Variants in LHFPL3 observed in about 807,000 individuals in gnomAD.
LHFPL3 encodes LHFPL tetraspan subfamily member 3.
A neutral mutation model predicts 19.3 loss-of-function variants in LHFPL3; 5 were observed. That is an observed-to-expected ratio of 0.26 (90% confidence interval 0.14 to 0.54). The LOEUF (loss-of-function observed/expected upper bound fraction) is 0.54, where lower values mean the gene tolerates loss of function less well. Among genes scored for constraint, LHFPL3 ranks in the 20% least tolerant of loss-of-function variants. The pLI is 0.94. For synonymous variants in LHFPL3, 133 were observed against 126.2 expected, an observed-to-expected ratio of 1.05 and a Z score of -0.36; for missense variants, 249 against 307.4, an observed-to-expected ratio of 0.81 and a Z score of 1.42.
chr7:104,678,443 G>A (rs1473479215), intron 1 of LHFPL3, among the ~76,000 whole-genome samples: 6 of 152,176 alleles, frequency 3.9e-5, no homozygotes, highest in African/African-American at 1.4e-4. Context: ...TTAAAAGGAA[G>A]AGGGAAAAAA....
chr7:104,427,582 A>G (rs541150206), intron 1 of LHFPL3, among the ~76,000 whole-genome samples: 68 of 152,202 alleles, frequency 4.5e-4, no homozygotes, highest in Non-Finnish European at 8.8e-4. Flanking sequence ...TGCAAACCAC[A>G]TATCTCAAAA....
intron 1 of LHFPL3, among the ~76,000 whole-genome samples, chr7:104,414,366 TTG>T (rs1306588665): frequency 6.6e-6 from 1 of 152,178 alleles, no homozygotes; most frequent in Non-Finnish European, 1.5e-5. Flanking sequence ...AGCAATTTCT[TTG>T]TGGATTTTGG....
At chr7:104,802,691 A>G (rs1449185560) in intron 2 of LHFPL3, 1 of 152,110 alleles carries the variant, frequency 6.6e-6, no homozygotes, top group East Asian at 1.9e-4. Context: ...AGGCTAAGAT[A>G]TTCTGGTATA....
rs1462950242 is a variant in LHFPL3 at position 104,563,209 on chromosome 7, C to T, written c.446-173466C>T. On this transcript the variant is annotated intron_variant, in intron 1 of 2. Coordinates refer to ENST00000424859, the MANE Select transcript of LHFPL3 (RefSeq NM_199000.3). ...CCTCCTTGAGCTGTGGTGGGCTCCA[C>T]CCAGTTCGAGCTTCCCGGCTGCTTT... 2.6e-5 allele frequency among the ~76,000 whole-genome samples: 4 copies of T among 152,292 alleles called. No individual in the cohort carries two copies. In the East Asian group the frequency reaches 7.7e-4, roughly 29 times the overall value.
intron 1 of LHFPL3, among the ~76,000 whole-genome samples, chr7:104,417,486 A>G (rs986554171): frequency 3.3e-5 from 5 of 152,304 alleles, no homozygotes; most frequent in Middle Eastern, 3.4e-3. Flanking sequence ...GAAGGAATAA[A>G]TATTTTTCTA....
intron 2 of LHFPL3, among the ~76,000 whole-genome samples, chr7:104,741,293 A>G (rs1793932037): frequency 6.6e-6 from 1 of 152,172 alleles, no homozygotes; most frequent in Non-Finnish European, 1.5e-5. Flanking sequence ...TGGGAAAATT[A>G]AAATGAAGGA....
intron 1 of LHFPL3, among the ~76,000 whole-genome samples, chr7:104,448,416 G>GACCCTA: frequency 6.6e-6 from 1 of 152,100 alleles, no homozygotes; most frequent in South Asian, 2.1e-4. Flanking sequence ...CCCAGTTTTG[G>GACCCTA]TAAACACGCA....
chr7:104,633,384 G>A (rs1356112700), intron 1 of LHFPL3, among the ~76,000 whole-genome samples: 1 of 152,132 alleles, frequency 6.6e-6, no homozygotes, highest in African/African-American at 2.4e-5. Flanking sequence ...TACTCAAGTG[G>A]CTGAAAAAAG....
intron 1 of LHFPL3, among the ~76,000 whole-genome samples, chr7:104,670,883 C>A (rs527548519): frequency 1.4e-5 from 2 of 145,774 alleles, no homozygotes; most frequent in Non-Finnish European, 3.0e-5. Flanking sequence ...TTTTTTTAAG[C>A]TTCCCTTGAG....
At chr7:104,841,957 T>C (rs1269932762) in intron 2 of LHFPL3, among the ~76,000 whole-genome samples, 21 of 152,006 alleles carry the variant, frequency 1.4e-4, no homozygotes, top group Non-Finnish European at 4.4e-5. Context: ...GCTTCATTTA[T>C]CATGGTGCAG....
chr7:104,332,021 C>G (rs1801575882), intron 1 of LHFPL3, among the ~76,000 whole-genome samples: 1 of 151,676 alleles, frequency 6.6e-6, no homozygotes, highest in African/African-American at 2.4e-5. Flanking sequence ...CTTCTCCTAC[C>G]TATTTGTTTA....
Position 104,906,583 on chromosome 7 carries a change from A to G in LHFPL3, c.*368A>G, listed in dbSNP as rs1217276662. The G allele has an allele frequency of 4.8e-6, 1 of 207,316 alleles. No homozygotes were observed. The highest frequency in any genetic ancestry group is 9.6e-6 in the Non-Finnish European group (1 of 104,474). 12.8% of individuals were successfully genotyped at this position (207,316 alleles called of 1,614,324 possible). On this transcript the variant is annotated 3_prime_UTR_variant, in exon 3 of 3. Transcript: ENST00000424859. ...CTGAGGTTTGTAAACTGTCCTTTTT[A>G]AATCAAACTGAAAACAAAAAGCTTT...
intron 1 of LHFPL3, among the ~76,000 whole-genome samples, chr7:104,706,752 T>C (rs1793197642): frequency 6.6e-6 from 1 of 152,204 alleles, no homozygotes; most frequent in Non-Finnish European, 1.5e-5. Context: ...TTAGCCCTTA[T>C]ATGGGAAAAG....
At chr7:104,425,816 TTAGA>T (rs1225154037) in intron 1 of LHFPL3, among the ~76,000 whole-genome samples, 1 of 152,182 alleles carries the variant, frequency 6.6e-6, no homozygotes, top group Non-Finnish European at 1.5e-5. Flanking sequence ...TGAAGCTGCT[TTAGA>T]TAGAGGACTA....
chr7:104,801,321 C>A (rs777817311), intron 2 of LHFPL3, among the ~76,000 whole-genome samples: 9 of 152,096 alleles, frequency 5.9e-5, no homozygotes, highest in Non-Finnish European at 1.2e-4. Flanking sequence ...ACAATAGGAC[C>A]AGCCAAGACC....
intron 2 of LHFPL3, among the ~76,000 whole-genome samples, chr7:104,767,382 G>A (rs1455200431): frequency 6.6e-6 from 1 of 152,180 alleles, no homozygotes; most frequent in Non-Finnish European, 1.5e-5. Flanking sequence ...AGGACCTAGA[G>A]AGAATATCTG....
chr7:104,516,227 A>G (rs1034258377), intron 1 of LHFPL3, among the ~76,000 whole-genome samples: 2 of 152,086 alleles, frequency 1.3e-5, no homozygotes, highest in Non-Finnish European at 2.9e-5. Flanking sequence ...GGGGTGGGGA[A>G]AGTGCCTAGC....
intron 1 of LHFPL3, among the ~76,000 whole-genome samples, chr7:104,426,238 C>CTGTT (rs112112531): frequency 0.042 from 6,424 of 151,668 alleles, 247 homozygotes; most frequent in African/African-American, 0.096. Flanking sequence ...ACACTATGTT[C>CTGTT]TGTTTGTTTG....
intron 2 of LHFPL3, among the ~76,000 whole-genome samples, chr7:104,755,134 C>A (rs912534605): frequency 6.6e-6 from 1 of 152,122 alleles, no homozygotes; most frequent in African/African-American, 2.4e-5. Context: ...CTGGGGGTGG[C>A]TTTGCCCCAC....
Sources: gnomAD v4.1 joint callset for allele counts (sites outside exome capture counted in the v4.1 genomes callset) on GRCh38, gnomAD v4.1.1 for gene constraint, MANE v1.5 for transcripts, NCBI Gene and HGNC (gene_info 2026-07-23, HGNC 2026-07-21) for gene names.